VWA8: variants seen among roughly 807,000 people sequenced by gnomAD.
VWA8 encodes the protein von Willebrand factor A domain-containing protein 8.
A neutral mutation model predicts 241.5 loss-of-function variants in VWA8; 221 were observed. The ratio of observed to expected loss-of-function variants is 0.91; its 90% CI spans 0.82 to 1.02. The LOEUF (loss-of-function observed/expected upper bound fraction) is 1.02. Among genes scored for constraint, VWA8 ranks in the 50% least tolerant of loss-of-function variants. The probability of loss-of-function intolerance (pLI) is 0.00; values close to 1 mark genes in which losing one functional copy is unlikely to be tolerated. For missense variants in VWA8, 2,322 were observed against 2,328.7 expected (o/e 1.00, Z 0.06); for synonymous variants, 852 against 827.1 (o/e 1.03, Z -0.52).
rs2044265764 is a variant in VWA8, at chr13:41,567,047, C to A, written c.*1150G>T. On this transcript the variant is annotated 3_prime_UTR_variant, in exon 45 of 45. Transcript: ENST00000379310. ...CCAGTTTTTTCAACTCACTGGTGCC[C>A]TAACGTTTCTGATTTTGCTATCAAT... 1 of 152,036 alleles carries A rather than the reference C, an allele frequency of 6.6e-6. No homozygotes were observed. Among genetic ancestry groups the A allele is most frequent in the Non-Finnish European group, 1.5e-5 (1 of 68,012 alleles). The allele number at this position is 152,036 out of a possible 1,614,324, so 9.4% of individuals were successfully genotyped here.
At chr13:41,693,010 T>TTA (rs1286994882) in intron 29 of VWA8, 38 bp from the exon 30 acceptor site, 11 of 1,438,282 alleles carry the variant, frequency 7.6e-6, no homozygotes, top group African/African-American at 1.5e-5. Context: ...TCAAGATTTG[T>TTA]TCTTTTTTTT....
chr13:41,714,216 T>C (rs1012028532), intron 26 of VWA8, among the ~76,000 whole-genome samples: 7 of 152,066 alleles, frequency 4.6e-5, no homozygotes, highest in Non-Finnish European at 1.0e-4. Context: ...AGTTTTTTTT[T>C]CTATTTGACT....
At chr13:41,770,454 A>G (rs541145572) in intron 20 of VWA8, among the ~76,000 whole-genome samples, 2,195 of 151,016 alleles carry the variant, frequency 0.015, 27 homozygotes, top group Middle Eastern at 0.051. Flanking sequence ...AAAAAAAAAA[A>G]AAAGAAAAGA....
At position 41,761,136 on chromosome 13, in the gene VWA8, C is replaced by A. The variant is rs755043597; in HGVS notation, c.2418G>T (p.Gln806His). The change falls in exon 21 of 45, where the codon CAG becomes CAT. Residue 806 changes from glutamine to histidine, a missense_variant. Transcript: ENST00000379310. ...GGGTCTAATAGTCTTACCTGTGTAG[C>A]TGAATATATTCTCGGGGTCTGTTGA... ...HLLNRPREYI[Q>H]LHRDTTVQTL... 2.4e-5 allele frequency: 38 copies of A among 1,611,202 alleles called. No individual in the cohort carries two copies. The South Asian group carries it at 4.2e-4, about 18-fold the overall frequency.
chr13:41,801,450 C>G (rs527274099), intron 17 of VWA8, among the ~76,000 whole-genome samples: 1 of 152,244 alleles, frequency 6.6e-6, no homozygotes, highest in African/African-American at 2.4e-5. Flanking sequence ...TTCTGCTAAA[C>G]TGAAAATAGA....
chr13:41,948,256 A>T (rs1476401934), intron 2 of VWA8, among the ~76,000 whole-genome samples: 1 of 152,222 alleles, frequency 6.6e-6, no homozygotes, highest in Non-Finnish European at 1.5e-5. Flanking sequence ...AAGATAAGCA[A>T]GATACAATGG....
intron 12 of VWA8, chr13:41,865,291 T>C (rs1336978966): frequency 2.6e-6 from 1 of 390,628 alleles, no homozygotes; most frequent in African/African-American, 2.2e-5. Flanking sequence ...TCAATTACCT[T>C]ATACATTTAT....
intron 17 of VWA8, among the ~76,000 whole-genome samples, chr13:41,800,124 T>C (rs570610013): frequency 6.6e-6 from 1 of 152,370 alleles, no homozygotes; most frequent in East Asian, 1.9e-4. Context: ...ACTTCATTTC[T>C]TTTTGTTGCT....
chr13:41,912,915 AC>A (rs1258903305), intron 2 of VWA8, among the ~76,000 whole-genome samples: 1 of 152,168 alleles, frequency 6.6e-6, no homozygotes, highest in African/African-American at 2.4e-5. Context: ...TATGTAAATC[AC>A]CCAGTGAGTC....
At chr13:41,949,623 A>AT (rs913563736) in intron 2 of VWA8, among the ~76,000 whole-genome samples, 2 of 152,038 alleles carry the variant, frequency 1.3e-5, no homozygotes, top group South Asian at 2.1e-4. Flanking sequence ...TTAAAGTATA[A>AT]TTAAAAAAAA....
At chr13:41,694,680 G>A (rs570631942) in intron 29 of VWA8, among the ~76,000 whole-genome samples, 2 of 152,020 alleles carry the variant, frequency 1.3e-5, no homozygotes, top group Middle Eastern at 3.4e-3. Context: ...TGAATTCTTA[G>A]CACTTAAGCA....
chr13:41,866,141 A>C lies in VWA8; in HGVS notation c.1213-105T>G, dbSNP rs1173438537. 4.4e-5 allele frequency: 63 copies of C among 1,422,750 alleles called. No individual in the cohort carries two copies. In the Middle Eastern group the frequency reaches 6.8e-4, roughly 15 times the overall value. The allele number at this position is 1,422,750 out of a possible 1,614,324, so 88.1% of individuals were successfully genotyped here. ...GGCAGGCAGATCACTTGAGGTTAGT[A>C]GTTCGAGACCAGCCTGGCCAATATG... is the stretch of plus-strand genomic sequence containing the variant. On this transcript the variant is annotated intron_variant, in intron 10 of 44. Transcript: ENST00000379310.
intron 37 of VWA8, among the ~76,000 whole-genome samples, chr13:41,646,898 C>T (rs925766091): frequency 3.3e-5 from 5 of 152,196 alleles, no homozygotes; most frequent in East Asian, 1.9e-4. Flanking sequence ...TAGTGGCTCA[C>T]GTCTGAAAAT....
chr13:41,858,462 C>T (rs1477802295), intron 12 of VWA8, among the ~76,000 whole-genome samples: 11 of 151,808 alleles, frequency 7.2e-5, no homozygotes, highest in Non-Finnish European at 1.0e-4. Context: ...AAAAATTAGC[C>T]GGGTGTGGTG....
chr13:41,928,687 A>G (rs1876961136), intron 2 of VWA8, among the ~76,000 whole-genome samples: 1 of 152,192 alleles, frequency 6.6e-6, no homozygotes, highest in Admixed American at 6.5e-5. Flanking sequence ...CTCGAAAAAA[A>G]GAAATAAACC....
At chr13:41,605,533 A>C (rs1030552116) in intron 39 of VWA8, among the ~76,000 whole-genome samples, 4 of 152,188 alleles carry the variant, frequency 2.6e-5, no homozygotes, top group Admixed American at 2.6e-4. Flanking sequence ...GATTTCCATG[A>C]TGTAAACATT....
intron 21 of VWA8, among the ~76,000 whole-genome samples, chr13:41,759,879 A>AT (rs936379674): frequency 5.3e-5 from 8 of 151,508 alleles, no homozygotes; most frequent in African/African-American, 1.5e-4. Flanking sequence ...GAATCACCTG[A>AT]TTTTTTCAAG....
intron 34 of VWA8, among the ~76,000 whole-genome samples, chr13:41,686,740 A>G (rs2045138960): frequency 6.6e-6 from 1 of 152,086 alleles, no homozygotes; most frequent in Non-Finnish European, 1.5e-5. Context: ...AGTCCACTGT[A>G]TGTGACCCAT....
intron 21 of VWA8, among the ~76,000 whole-genome samples, chr13:41,753,451 T>C (rs2045670659): frequency 6.6e-6 from 1 of 152,138 alleles, no homozygotes; most frequent in Admixed American, 6.6e-5. Flanking sequence ...AATGTCAAAT[T>C]AACATAACAT....
Sources: allele counts gnomAD v4.1 joint callset (sites outside exome capture counted in the v4.1 genomes callset), GRCh38; gene constraint gnomAD v4.1.1; transcripts MANE v1.5; gene names NCBI Gene and HGNC (gene_info 2026-07-23, HGNC 2026-07-21).